The following IGF2R variants were observed in gnomAD, a reference collection of about 807,000 sequenced individuals.
IGF2R encodes the protein cation-independent mannose-6-phosphate receptor.
In IGF2R, 91 loss-of-function variants were observed where a neutral mutation model predicts 270.6. The ratio of observed to expected loss-of-function variants is 0.34; its 90% CI spans 0.28 to 0.40. The LOEUF is 0.40. Ranked by LOEUF, IGF2R falls within the 10% of genes least tolerant of loss-of-function variation. The pLI is 1.00. For synonymous variants in IGF2R, 1,316 were observed against 1,258.9 expected, an observed-to-expected ratio of 1.05 and a Z score of -0.96; for missense variants, 2,805 against 3,188.3, an observed-to-expected ratio of 0.88 and a Z score of 2.90.
chr6:160,063,597 A>G lies in IGF2R; in HGVS notation c.3853A>G (p.Lys1285Glu). 6.2e-7 allele frequency: 1 copy of G among 1,614,232 alleles called. No homozygotes were observed. The highest frequency in any genetic ancestry group is 1.6e-4 in the Middle Eastern group (1 of 6,062). ...KSKVVSSCQE[K>E]REPQGFHKVA... is the part of the protein sequence containing the mutation. ...CAAGGTGGTCTCCTCATGTCAGGAAAAGCGGGAACCGCAGGGATTTCACAA... is the reference window on the plus strand; with the variant it reads ...CAAGGTGGTCTCCTCATGTCAGGAAGAGCGGGAACCGCAGGGATTTCACAA... The change falls in exon 27 of 48, where the codon AAG becomes GAG. Residue 1285 changes from lysine to glutamate, a missense_variant. Lys to Glu is a moderately conservative substitution (Grantham distance 56, BLOSUM62 1). Transcript: ENST00000356956.
intron 45 of IGF2R, among the ~76,000 whole-genome samples, chr6:160,097,662 C>G (rs2114739045): frequency 6.6e-6 from 1 of 152,360 alleles, no homozygotes; most frequent in Non-Finnish European, 1.5e-5. Flanking sequence ...TTTTCATTCT[C>G]TGTCCTGAGA....
chr6:160,019,759 A>G (rs1391813050), intron 4 of IGF2R, among the ~76,000 whole-genome samples: 2 of 152,208 alleles, frequency 1.3e-5, no homozygotes, highest in Admixed American at 6.5e-5. Flanking sequence ...GAAATTCAAC[A>G]TCCCTTAATG....
Position 160,068,273 on chromosome 6 carries a change from C to A in IGF2R, c.4140C>A (p.Asp1380Glu). 6.2e-7 allele frequency: 1 copy of A among 1,614,250 alleles called. No individual in the cohort carries two copies. Among genetic ancestry groups the A allele is most frequent in the East Asian group, 2.2e-5 (1 of 44,888 alleles). ...SFKDGAGNSFDLSSLSRYSDN... is the reference protein window; with the variant it reads ...SFKDGAGNSFELSSLSRYSDN... ...GAGATGGGGCTGGCAACTCCTTCGA[C>A]CTCTCGTCCCTGTCAAGGTACAGTG... Residue 1380 changes from aspartate to glutamate, a missense_variant, in exon 30 of 48, where the codon GAC becomes GAA. Asp to Glu is a conservative substitution (Grantham distance 45, BLOSUM62 2). Around this residue, in one of 2 missense-constraint regions of IGF2R, gnomAD observed 1,851 missense variants for 2,207.2 expected, o/e 0.84. Coordinates refer to ENST00000356956, the MANE Select transcript of IGF2R (RefSeq NM_000876.4).
chr6:160,079,843 G>A (rs2115282059), intron 38 of IGF2R, 56 bp downstream of exon 38: 1 of 1,404,640 alleles, frequency 7.1e-7, no homozygotes, highest in African/African-American at 1.4e-5. Flanking sequence ...CTAGAAATTA[G>A]ACATAGCAGC....
chr6:160,061,185 C>T (rs1358331809), intron 23 of IGF2R, among the ~76,000 whole-genome samples: 1 of 152,138 alleles, frequency 6.6e-6, no homozygotes, highest in Non-Finnish European at 1.5e-5. Flanking sequence ...TGGCTTTTTT[C>T]TTTAAAGAGT....
In IGF2R at chr6:160,083,940, C is replaced by T. The variant is rs1016553534; in HGVS notation, c.5834-10C>T. ...GTCTGATCTCTCTCTCTTTTCCCTA[C>T]ACTCCCCAGCAAACAGCTACCGGAC... On this transcript the variant is annotated splice_polypyrimidine_tract_variant and intron_variant, in intron 39 of 47. Transcript: ENST00000356956. The T allele has an allele frequency of 3.1e-6, 5 of 1,591,144 alleles. No individual in the cohort carries two copies. The highest frequency in any genetic ancestry group is 4.3e-6 in the Non-Finnish European group (5 of 1,159,032).
At chr6:159,979,164 A>G (rs3777416) in intron 1 of IGF2R, among the ~76,000 whole-genome samples, 34,351 of 152,142 alleles carry the variant, frequency 0.23, 4,931 homozygotes, top group East Asian at 0.72. Context: ...CGGACCCACC[A>G]TTGGATTTTG....
intron 34 of IGF2R, 45 bp from the exon 35 acceptor site, chr6:160,073,712 G>A (rs371525757): frequency 1.9e-6 from 3 of 1,545,650 alleles, no homozygotes; most frequent in African/African-American, 1.4e-5. Flanking sequence ...GTGGTGATTA[G>A]GAAAATTTTT....
Position 160,108,595 on chromosome 6 carries a change from GTCTT to G in IGF2R, c.*3518_*3521del, listed in dbSNP as rs1183811882. On this transcript the variant is annotated 3_prime_UTR_variant, in exon 48 of 48. Coordinates refer to ENST00000356956, the MANE Select transcript of IGF2R (RefSeq NM_000876.4). Reference sequence around the variant, plus strand: ...GAGGCTCTCTCTGGGAGGAAGTCAGGTCTTTCTTTCCTTCGTTTCCTTCCTTTCA... The same window carrying G: ...GAGGCTCTCTCTGGGAGGAAGTCAGGTCTTTCCTTCGTTTCCTTCCTTTCA... The G allele has an allele frequency of 2.0e-5, 3 of 152,184 alleles. No homozygotes were observed. Among genetic ancestry groups the G allele is most frequent in the South Asian group, 4.1e-4 (2 of 4,820 alleles). 9.4% of individuals were successfully genotyped at this position (152,184 alleles called of 1,614,324 possible).
At chr6:160,051,458 G>T (rs954009597) in intron 19 of IGF2R, among the ~76,000 whole-genome samples, 2 of 152,166 alleles carry the variant, frequency 1.3e-5, no homozygotes, top group Non-Finnish European at 2.9e-5. Context: ...GCTTGAGGGT[G>T]GAGGTAACAA....
At chr6:160,017,775 G>A (rs1201534344) in intron 4 of IGF2R, among the ~76,000 whole-genome samples, 1 of 152,032 alleles carries the variant, frequency 6.6e-6, no homozygotes, top group Non-Finnish European at 1.5e-5. Flanking sequence ...CATGTATGAA[G>A]GAAAAATAAA....
chr6:160,024,165 A>G (rs1001730112), intron 4 of IGF2R, among the ~76,000 whole-genome samples: 2 of 152,182 alleles, frequency 1.3e-5, no homozygotes, highest in African/African-American at 4.8e-5. Flanking sequence ...AGAGAATGGA[A>G]GGCAGGAAGA....
In IGF2R at chr6:160,027,439, C is replaced by T. The variant is rs1777587212; in HGVS notation, c.776+125C>T. On this transcript the variant is annotated intron_variant, in intron 6 of 47. Transcript: ENST00000356956. ...TAGTCCCTGCAGCATTGCTGCTTCA[C>T]ATGTACTTGTAAGATTGTTGGTCAT... 1.0e-5 allele frequency: 11 copies of T among 1,060,266 alleles called. No individual in the cohort carries two copies. In the East Asian group the frequency reaches 2.9e-4, roughly 28 times the overall value. The allele number at this position is 1,060,266 out of a possible 1,614,324, so 65.7% of individuals were successfully genotyped here.
In IGF2R at chr6:160,046,988, T is replaced by G. The variant is rs8191801; in HGVS notation, c.2052-171T>G. ...CAGCGGTGCCAAGAGGAGATTTGGGTCCCAGTGTTCCTGCTGCCGTTGGAG... is the reference window on the plus strand; with the variant it reads ...CAGCGGTGCCAAGAGGAGATTTGGGGCCCAGTGTTCCTGCTGCCGTTGGAG... On this transcript the variant is annotated intron_variant, in intron 15 of 47. Coordinates refer to ENST00000356956, the MANE Select transcript of IGF2R (RefSeq NM_000876.4). Among the ~76,000 whole-genome samples the G allele has an allele frequency of 6.0e-3, 916 of 152,310 alleles. 5 individuals are homozygous for G. The highest frequency in any genetic ancestry group is 0.021 in the African/African-American group (868 of 41,558).
chr6:159,987,397 G>C (rs1158369445), intron 1 of IGF2R, among the ~76,000 whole-genome samples: 1 of 152,056 alleles, frequency 6.6e-6, no homozygotes, highest in Non-Finnish European at 1.5e-5. Context: ...AGGCATATTC[G>C]TTTTTTCTTT....
At chr6:159,981,669 G>A (rs1042356641) in intron 1 of IGF2R, among the ~76,000 whole-genome samples, 5 of 152,222 alleles carry the variant, frequency 3.3e-5, no homozygotes, top group Non-Finnish European at 5.9e-5. Context: ...AGCTGGGAGA[G>A]ACTGGCTCAC....
chr6:160,034,223 A>AG, intron 9 of IGF2R, among the ~76,000 whole-genome samples, 196 bp from the exon 10 acceptor site: 1 of 152,252 alleles, frequency 6.6e-6, no homozygotes, highest in South Asian at 2.1e-4. Context: ...CTTTGAAGCG[A>AG]GAGGATGTCA....
chr6:160,081,088 T>C (rs1778971544), intron 39 of IGF2R, among the ~76,000 whole-genome samples: 1 of 151,326 alleles, frequency 6.6e-6, no homozygotes, highest in African/African-American at 2.4e-5. Context: ...ATCATGCCAC[T>C]TCACTCCAGC....
chr6:159,974,591 C>G (rs370407539), intron 1 of IGF2R, among the ~76,000 whole-genome samples: 1 of 152,144 alleles, frequency 6.6e-6, no homozygotes. Flanking sequence ...AGAAATCAAC[C>G]TTAAAACTAG....
Sources: allele counts gnomAD v4.1 joint callset (sites outside exome capture counted in the v4.1 genomes callset), GRCh38; gene constraint gnomAD v4.1.1; regional missense constraint gnomAD v4.1.1; transcripts MANE v1.5; gene names NCBI Gene and HGNC (gene_info 2026-07-23, HGNC 2026-07-21).